The following VPS13B variants were observed in gnomAD, a reference collection of about 807,000 sequenced individuals.
The protein encoded by VPS13B is vacuolar protein sorting 13 homolog B.
In VPS13B, 285 loss-of-function variants were observed where a neutral mutation model predicts 426.4. That is an observed-to-expected ratio of 0.67 (90% CI 0.61 to 0.74). The LOEUF (loss-of-function observed/expected upper bound fraction) is 0.74, where lower values mean the gene tolerates loss of function less well. Ranked by LOEUF, VPS13B falls within the 30% of genes least tolerant of loss-of-function variation. The pLI is 0.00. For missense variants in VPS13B, 4,537 were observed against 4,782.6 expected, an observed-to-expected ratio of 0.95 and a Z score of 1.51; for synonymous variants, 1,676 against 1,676.4, an observed-to-expected ratio of 1.00 and a Z score of 0.01.
At chr8:99,740,861 G>A (rs543806102) in intron 39 of VPS13B, among the ~76,000 whole-genome samples, 9,687 of 151,828 alleles carry the variant, frequency 0.064, 430 homozygotes, top group African/African-American at 0.13. Context: ...ACCAGCCACT[G>A]CAAAATCATG....
chr8:99,309,975 T>G (rs1820863300), intron 19 of VPS13B, among the ~76,000 whole-genome samples: 1 of 152,218 alleles, frequency 6.6e-6, no homozygotes, highest in Admixed American at 6.5e-5. Context: ...ATGATTTGGC[T>G]CTCTGTTTGT....
intron 55 of VPS13B, 100 bp downstream of exon 55, chr8:99,848,994 A>G (rs1177440707): frequency 4.4e-6 from 5 of 1,141,804 alleles, no homozygotes; most frequent in Non-Finnish European, 6.6e-6. Flanking sequence ...AATGTATTAA[A>G]GCTTTTGGTT....
Position 99,170,080 on chromosome 8 carries a change from T to C in VPS13B, c.2250T>C (p.Ser750=). 6.2e-7 allele frequency: 1 copy of C among 1,613,050 alleles called. No homozygotes were observed. The highest frequency in any genetic ancestry group is 1.1e-5 in the South Asian group (1 of 91,066). Residue 750 remains serine, a synonymous_variant, in exon 16 of 62, where the codon AGT becomes AGC. Coordinates refer to ENST00000357162, the MANE Select transcript of VPS13B (RefSeq NM_152564.5). ...FQAGLTSLDC[S]GSYCLPVPVI... is the part of the protein sequence containing the mutation. ...CAGGACTGACGTCTTTGGATTGCAGTGGATCTTACTGCTTACCTGTACCAG... is the reference window on the plus strand; with the variant it reads ...CAGGACTGACGTCTTTGGATTGCAGCGGATCTTACTGCTTACCTGTACCAG...
At chr8:99,079,593 G>A (rs534543146) in intron 3 of VPS13B, among the ~76,000 whole-genome samples, 3 of 152,190 alleles carry the variant, frequency 2.0e-5, no homozygotes. Context: ...CTTGTGTATA[G>A]ATTTTAGAGT....
At chr8:99,843,790 T>C (rs996746677) in intron 54 of VPS13B, among the ~76,000 whole-genome samples, 2 of 152,200 alleles carry the variant, frequency 1.3e-5, no homozygotes, top group Non-Finnish European at 2.9e-5. Flanking sequence ...CTTGGACACT[T>C]GAAGTTTGTG....
chr8:99,031,182 C>T (rs1198867483), intron 2 of VPS13B, among the ~76,000 whole-genome samples: 1 of 151,806 alleles, frequency 6.6e-6, no homozygotes, highest in Non-Finnish European at 1.5e-5. Flanking sequence ...ATTGCCGAAG[C>T]TTTCAATTGT....
At chr8:99,265,406 T>G (rs536499952) in intron 17 of VPS13B, among the ~76,000 whole-genome samples, 1 of 152,316 alleles carries the variant, frequency 6.6e-6, no homozygotes, top group East Asian at 1.9e-4. Context: ...AGCCGTCCAT[T>G]TCCTTCTTGA....
chr8:99,595,507 C>T (rs1407906237), intron 33 of VPS13B, among the ~76,000 whole-genome samples: 1 of 151,752 alleles, frequency 6.6e-6, no homozygotes, highest in African/African-American at 2.4e-5. Context: ...AGAGCTAAAA[C>T]TATAAAAATC....
At chr8:99,342,745 C>T (rs1811321375) in intron 19 of VPS13B, among the ~76,000 whole-genome samples, 1 of 152,084 alleles carries the variant, frequency 6.6e-6, no homozygotes, top group Admixed American at 6.6e-5. Flanking sequence ...ATTTCAGTTC[C>T]TTTGGTTATA....
chr8:99,313,764 A>C (rs563654263), intron 19 of VPS13B, among the ~76,000 whole-genome samples: 1 of 152,160 alleles, frequency 6.6e-6, no homozygotes, highest in Non-Finnish European at 1.5e-5. Flanking sequence ...CTGTCCCCAG[A>C]GGTGGAGTCT....
intron 51 of VPS13B, among the ~76,000 whole-genome samples, chr8:99,824,224 A>G (rs1814537767): frequency 6.6e-6 from 1 of 152,312 alleles, no homozygotes; most frequent in Non-Finnish European, 1.5e-5. Flanking sequence ...CCTGTGCCCC[A>G]TCTGCTCAGA....
At chr8:99,238,077 TTACTC>T (rs1439112495) in intron 17 of VPS13B, among the ~76,000 whole-genome samples, 2 of 152,088 alleles carry the variant, frequency 1.3e-5, no homozygotes, top group Non-Finnish European at 1.5e-5. Context: ...GTACTTCAAT[TTACTC>T]TACCCTCATC....
In VPS13B at chr8:99,856,041, G is replaced by A. The variant is rs556321030; in HGVS notation, c.10867+1785G>A. The stretch of plus-strand genomic sequence containing the variant: ...GAAGGCTCCCATTCAGTCTCTGCAC[G>A]ACGCAGCAGTGCAGTAAGCAGCAGG... On this transcript the variant is annotated intron_variant, in intron 56 of 61. Transcript: ENST00000357162. 8.5e-5 allele frequency among the ~76,000 whole-genome samples: 13 copies of A among 152,342 alleles called. No individual in the cohort carries two copies. In the South Asian group the frequency reaches 1.9e-3, roughly 22 times the overall value.
chr8:99,424,174 G>C (rs997541426), intron 21 of VPS13B: 5 of 151,912 alleles, frequency 3.3e-5, no homozygotes, highest in African/African-American at 1.2e-4. Flanking sequence ...GGCCTTCTTT[G>C]TCTCTTTTGA....
intron 21 of VPS13B, among the ~76,000 whole-genome samples, chr8:99,422,362 C>A (rs1816422623): frequency 6.6e-6 from 1 of 152,054 alleles, no homozygotes; most frequent in South Asian, 2.1e-4. Flanking sequence ...TTAGTGGCGA[C>A]TGGAAATATT....
intron 21 of VPS13B, among the ~76,000 whole-genome samples, chr8:99,406,181 C>A (rs1185260155): frequency 1.3e-5 from 2 of 151,988 alleles, no homozygotes; most frequent in Non-Finnish European, 1.5e-5. Context: ...TTCTTTAACA[C>A]CCCTTTCTAT....
chr8:99,455,320 T>C (rs928115481), intron 23 of VPS13B, among the ~76,000 whole-genome samples: 18 of 152,278 alleles, frequency 1.2e-4, no homozygotes, highest in African/African-American at 3.9e-4. Context: ...GAAAAGAGGT[T>C]TAATTTGCTC....
At chr8:99,832,726 A>T (rs1815149046) in intron 52 of VPS13B, 74 bp downstream of exon 52, 28 of 1,510,910 alleles carry the variant, frequency 1.9e-5, no homozygotes, top group Non-Finnish European at 2.6e-5. Flanking sequence ...GCCAAGAGAG[A>T]TACAATGGTC....
rs71273176 is a variant in VPS13B at position 99,354,266 on chromosome 8, C to CT, written c.2825-29903dup. Among the ~76,000 whole-genome samples the CT allele has an allele frequency of 2.8e-3, 63 of 22,192 alleles. 12 individuals are homozygous for CT. The highest frequency in any genetic ancestry group is 4.3e-3 in the Non-Finnish European group (45 of 10,404). The allele number at this position is 22,192 out of a possible 152,430, so 14.6% of individuals were successfully genotyped here. ...TTCTACTGTAGCCCCCTCCCCCTGCCTTTTTTTTTTTTTTTTTTTTTTTTT... is the reference window on the plus strand; with the variant it reads ...TTCTACTGTAGCCCCCTCCCCCTGCCTTTTTTTTTTTTTTTTTTTTTTTTTT... On this transcript the variant is annotated intron_variant, in intron 19 of 61. Coordinates refer to ENST00000357162, the MANE Select transcript of VPS13B (RefSeq NM_152564.5).
Sources: allele counts gnomAD v4.1 joint callset (sites outside exome capture counted in the v4.1 genomes callset), GRCh38; gene constraint gnomAD v4.1.1; transcripts MANE v1.5; gene names NCBI Gene and HGNC (gene_info 2026-07-23, HGNC 2026-07-21).